Variants in FAS observed in about 807,000 individuals in gnomAD.
FAS encodes the protein Fas cell surface death receptor.
FAS carries 5 observed loss-of-function variants against 33.2 expected under a neutral mutation model. The ratio of observed to expected loss-of-function variants is 0.15; its 90% CI spans 0.08 to 0.32. The LOEUF is 0.32. FAS is among the 10% of genes least tolerant of loss of function. The pLI is 1.00. For synonymous variants in FAS, 131 were observed against 130.7 expected, an observed-to-expected ratio of 1.00 and a Z score of -0.01; for missense variants, 339 against 386.0, an observed-to-expected ratio of 0.88 and a Z score of 1.02.
chr10:88,990,993 A>G lies in FAS; in HGVS notation c.30+87A>G. ...GGGGCGGGCGCGGGACGCGTGCGGG[A>G]TTGCGGCGGCAGCGGCGCACGCGGG... On this transcript the variant is annotated intron_variant, in intron 1 of 8. Coordinates refer to ENST00000652046, the MANE Select transcript of FAS (RefSeq NM_000043.6). This position sits in a 1 kb window ranked among gnomAD's most constrained non-coding sequence, Gnocchi z 4.9. 6.3e-7 allele frequency: 1 copy of G among 1,590,608 alleles called. No individual in the cohort carries two copies. The highest frequency in any genetic ancestry group is 8.6e-7 in the Non-Finnish European group (1 of 1,161,102).
At chr10:88,999,240 T>C (rs1054114156) in intron 1 of FAS, among the ~76,000 whole-genome samples, 1 of 152,178 alleles carries the variant, frequency 6.6e-6, no homozygotes, top group Non-Finnish European at 1.5e-5. Flanking sequence ...CCCCTCTGCC[T>C]TCTGTTACTT....
chr10:88,979,218 G>A (rs185147816), intron 2 of FAS, among the ~76,000 whole-genome samples: 1 of 151,976 alleles, frequency 6.6e-6, no homozygotes, highest in Non-Finnish European at 1.5e-5. Context: ...GGGATCTGGG[G>A]AGGAGAGATA....
intron 2 of FAS, chr10:88,974,389 A>G (rs1316664344): frequency 6.6e-6 from 1 of 152,238 alleles, no homozygotes; most frequent in Non-Finnish European, 1.5e-5. Context: ...TAAAAGTGAT[A>G]TTGAAACTAA....
intron 1 of FAS, among the ~76,000 whole-genome samples, chr10:88,969,422 TGAAAAA>T (rs1369811952): frequency 6.6e-6 from 1 of 152,228 alleles, no homozygotes; most frequent in Non-Finnish European, 1.5e-5. Context: ...TGTCTCTATT[TGAAAAA>T]GCCTACAAAT....
intron 2 of FAS, chr10:88,973,710 C>A (rs1846499704): frequency 6.4e-6 from 1 of 156,688 alleles, no homozygotes; most frequent in Non-Finnish European, 1.4e-5. Flanking sequence ...GAACCAAAGC[C>A]TTTTCCAAAA....
At chr10:89,010,953 C>A in intron 6 of FAS, 138 bp downstream of exon 6, 2 of 955,070 alleles carry the variant, frequency 2.1e-6, no homozygotes, top group Non-Finnish European at 3.4e-6. Context: ...CTGAATGCAG[C>A]CTTGAGAGCT....
chr10:89,002,997 A>C (rs369548085), intron 1 of FAS, 32 bp from the exon 2 acceptor site: 60 of 1,613,384 alleles, frequency 3.7e-5, no homozygotes, highest in Non-Finnish European at 4.8e-5. Flanking sequence ...TTCAGAAATC[A>C]ATAAAATTCT....
upstream of FAS, among the ~76,000 whole-genome samples, chr10:88,983,334 G>C (rs1846758676): frequency 6.6e-6 from 1 of 152,070 alleles, no homozygotes; most frequent in Admixed American, 6.6e-5. Context: ...AATATGACAA[G>C]AGTATGGTTT....
At position 88,965,134 on chromosome 10, in the gene FAS, G is replaced by T. The variant is rs147441004; in HGVS notation, n.95-8048G>T. Among the ~76,000 whole-genome samples the T allele has an allele frequency of 5.1e-4, 78 of 152,236 alleles. 1 individual carries two copies. In the South Asian group the frequency reaches 0.014, roughly 27 times the overall value. The stretch of plus-strand genomic sequence containing the variant: ...CTTAGATGCATTTTTTCTACAGGGA[G>T]AATGCTCCAATCACTCCAGTGATTT... On this transcript the variant is annotated intron_variant and non_coding_transcript_variant, in intron 1 of 3. Coordinates refer to the FAS transcript ENST00000688239.
At chr10:88,991,199 C>T (rs1047934457) in intron 1 of FAS, 28 of 560,842 alleles carry the variant, frequency 5.0e-5, no homozygotes, top group Non-Finnish European at 8.0e-5. Flanking sequence ...GAGACCACTG[C>T]GCTCCACGTT....
At position 89,007,794 on chromosome 10, in the gene FAS, T is replaced by C. The variant is rs1206463491; in HGVS notation, c.291T>C (p.Phe97=). 1 of 1,614,068 alleles carries C rather than the reference T, an allele frequency of 6.2e-7. No homozygotes were observed. The highest frequency in any genetic ancestry group is 8.5e-7 in the Non-Finnish European group (1 of 1,179,934). The change falls in exon 3 of 9, where the codon TTT becomes TTC. Residue 97 remains phenylalanine (F), a synonymous_variant. Transcript: ENST00000652046. ...EGKEYTDKAH[F]SSKCRRCRLC... ...AGGAGTACACAGACAAAGCCCATTT[T>C]TCTTCCAAATGCAGAAGATGTAGAT...
chr10:88,982,025 G>T (rs879527264), upstream of FAS, among the ~76,000 whole-genome samples: 15 of 152,184 alleles, frequency 9.9e-5, no homozygotes, highest in African/African-American at 3.6e-4. Context: ...ATATAAAAGG[G>T]TCTAACACAT....
intron 1 of FAS, among the ~76,000 whole-genome samples, chr10:88,997,849 T>A (rs1335364365): frequency 6.6e-6 from 1 of 152,182 alleles, no homozygotes; most frequent in Non-Finnish European, 1.5e-5. Context: ...TAGAGGGTGG[T>A]GAGATTTCAA....
intron 2 of FAS, among the ~76,000 whole-genome samples, chr10:89,004,440 G>A (rs972172947): frequency 5.3e-5 from 8 of 151,846 alleles, no homozygotes; most frequent in Admixed American, 5.2e-4. Context: ...ATGTATACAT[G>A]TGCCATGCTG....
chr10:88,987,396 G>A (rs1389971720), upstream of FAS, among the ~76,000 whole-genome samples: 1 of 152,136 alleles, frequency 6.6e-6, no homozygotes, highest in Admixed American at 6.5e-5. Context: ...ACTTTGGGTG[G>A]TCCAGGGTTC....
chr10:89,003,191 C>T lies in FAS; in HGVS notation c.193C>T (p.Pro65Ser), dbSNP rs1345570456. ...DGQFCHKPCPPGERKARDCTV... is the reference protein window; with the variant it reads ...DGQFCHKPCPSGERKARDCTV... ...CCAATTCTGCCATAAGCCCTGTCCTCCAGGTATGTTACACAAAACATCCAG... is the reference window on the plus strand; with the variant it reads ...CCAATTCTGCCATAAGCCCTGTCCTTCAGGTATGTTACACAAAACATCCAG... Residue 65 changes from proline (P) to serine (S), a missense_variant, in exon 2 of 9, where the codon CCA becomes TCA. Around this residue, in one of 3 missense-constraint regions of FAS, gnomAD observed 276 missense variants for 300.1 expected, o/e 0.92. Transcript: ENST00000652046. 6.2e-7 allele frequency: 1 copy of T among 1,614,044 alleles called. No individual in the cohort carries two copies. Among genetic ancestry groups the T allele is most frequent in the Non-Finnish European group, 8.5e-7 (1 of 1,179,954 alleles).
intron 2 of FAS, among the ~76,000 whole-genome samples, chr10:88,978,821 T>C (rs961121204): frequency 1.3e-5 from 2 of 152,186 alleles, no homozygotes; most frequent in African/African-American, 2.4e-5. Context: ...CAAAAAGCCT[T>C]CTATGACACC....
In FAS at chr10:89,015,172, C is replaced by A; in HGVS notation, c.*722C>A. On this transcript the variant is annotated 3_prime_UTR_variant, in exon 9 of 9. Transcript: ENST00000652046. The stretch of plus-strand genomic sequence containing the variant: ...TCTCAGGCATCAAAAGCATTTTGAG[C>A]AGGAGAGTATTACTAGAGCTTTGCC... 1 of 534,812 alleles carries A rather than the reference C, an allele frequency of 1.9e-6. No individual in the cohort carries two copies. The highest frequency in any genetic ancestry group is 1.5e-5 in the South Asian group (1 of 65,170). The allele number at this position is 534,812 out of a possible 1,614,324, so 33.1% of individuals were successfully genotyped here.
At chr10:89,007,378 A>C (rs938051776) in intron 2 of FAS, among the ~76,000 whole-genome samples, 16 of 152,128 alleles carry the variant, frequency 1.1e-4, no homozygotes, top group African/African-American at 3.9e-4. Context: ...CCCTTTCTCC[A>C]AGGAAGTTAG....
Sources: allele counts gnomAD v4.1 joint callset (sites outside exome capture counted in the v4.1 genomes callset), GRCh38; gene constraint gnomAD v4.1.1; regional missense constraint gnomAD v4.1.1; non-coding constraint Gnocchi (gnomAD v3.1); transcripts MANE v1.5; gene names NCBI Gene and HGNC (gene_info 2026-07-23, HGNC 2026-07-21).